The following HPSE2 variants were observed in gnomAD, a reference collection of about 807,000 sequenced individuals.
HPSE2 encodes heparanase 2 (inactive).
Under a neutral mutation model 60.5 loss-of-function variants are expected in HPSE2, and 38 were observed. The observed-to-expected ratio is 0.63, with a 90% CI of 0.48 to 0.82. HPSE2 has a LOEUF of 0.82. Among genes scored for constraint, HPSE2 ranks in the 40% least tolerant of loss-of-function variants. The pLI, the probability that HPSE2 is intolerant of heterozygous loss-of-function variation, is 0.00. For missense variants in HPSE2, 713 were observed against 740.4 expected, an observed-to-expected ratio of 0.96 and a Z score of 0.43; for synonymous variants, 295 against 293.2, an observed-to-expected ratio of 1.01 and a Z score of -0.06.
intron 2 of HPSE2, among the ~76,000 whole-genome samples, chr10:99,203,001 C>T (rs1415746705): frequency 6.6e-6 from 1 of 152,124 alleles, no homozygotes; most frequent in Non-Finnish European, 1.5e-5. Context: ...CAGTAAAGTC[C>T]AGTGCTGGAC....
At chr10:99,112,415 G>GTGTTT (rs72389662) in intron 3 of HPSE2, among the ~76,000 whole-genome samples, 6,959 of 135,922 alleles carry the variant, frequency 0.051, 447 homozygotes, top group African/African-American at 0.15. Flanking sequence ...TTTTTTTGTT[G>GTGTTT]TGTTTTGTTT....
chr10:99,068,220 T>C (rs1842675209), intron 3 of HPSE2, among the ~76,000 whole-genome samples: 1 of 152,228 alleles, frequency 6.6e-6, no homozygotes, highest in African/African-American at 2.4e-5. Context: ...TCTCTGCCTG[T>C]TACCCAGTTC....
intron 3 of HPSE2, among the ~76,000 whole-genome samples, chr10:98,774,546 T>C (rs1950301792): frequency 6.6e-6 from 1 of 151,984 alleles, no homozygotes; most frequent in South Asian, 2.1e-4. Flanking sequence ...TCTCAAGGGG[T>C]TCCTATTCAT....
chr10:99,204,134 C>T (rs763719635), intron 2 of HPSE2, among the ~76,000 whole-genome samples: 12 of 152,192 alleles, frequency 7.9e-5, no homozygotes, highest in Non-Finnish European at 1.6e-4. Flanking sequence ...AGGTCCCCTA[C>T]ATTGGACCCA....
chr10:98,652,221 A>G (rs184524005), intron 6 of HPSE2, among the ~76,000 whole-genome samples: 22 of 152,354 alleles, frequency 1.4e-4, no homozygotes, highest in Admixed American at 1.3e-3. Flanking sequence ...CAATTAAAGT[A>G]GAAGCAAGTA....
At chr10:98,630,195 G>T (rs201547531) in intron 7 of HPSE2, among the ~76,000 whole-genome samples, 32,112 of 124,734 alleles carry the variant, frequency 0.26, 1,919 homozygotes, top group East Asian at 0.35. Context: ...TTTTTTTTTT[G>T]TTTTTTTTTT....
intron 3 of HPSE2, among the ~76,000 whole-genome samples, chr10:98,802,060 C>CAA (rs139788966): frequency 0.12 from 18,958 of 151,952 alleles, 3,039 homozygotes; most frequent in African/African-American, 0.37. Flanking sequence ...TCATTTTTGA[C>CAA]AGTTTCCAAG....
chr10:98,848,730 C>G (rs1180698239), intron 3 of HPSE2, among the ~76,000 whole-genome samples: 1 of 152,196 alleles, frequency 6.6e-6, no homozygotes, highest in African/African-American at 2.4e-5. Flanking sequence ...TTTCATTTAG[C>G]TGCAATGCAT....
At chr10:98,495,430 T>C (rs1252837) in intron 9 of HPSE2, among the ~76,000 whole-genome samples, 13,333 of 152,182 alleles carry the variant, frequency 0.088, 1,859 homozygotes, top group African/African-American at 0.3. Flanking sequence ...TTTATCAAAT[T>C]TGAGACGTTT....
intron 2 of HPSE2, among the ~76,000 whole-genome samples, chr10:99,182,958 C>A (rs2133835977): frequency 6.6e-6 from 1 of 151,696 alleles, no homozygotes; most frequent in Middle Eastern, 3.4e-3. Context: ...ATCACGCCAC[C>A]ACACACACAC....
At chr10:99,234,145 A>C (rs957433266) in intron 1 of HPSE2, among the ~76,000 whole-genome samples, 1 of 152,214 alleles carries the variant, frequency 6.6e-6, no homozygotes, top group African/African-American at 2.4e-5. Flanking sequence ...TTCGAAGAGG[A>C]AGCTGGGCCG....
chr10:99,201,405 G>A (rs964199732), intron 2 of HPSE2, among the ~76,000 whole-genome samples: 1 of 152,088 alleles, frequency 6.6e-6, no homozygotes, highest in Non-Finnish European at 1.5e-5. Flanking sequence ...GTCCTGTGAG[G>A]AGCCATGAGA....
At chr10:99,010,255 T>A (rs1956982248) in intron 3 of HPSE2, among the ~76,000 whole-genome samples, 1 of 152,176 alleles carries the variant, frequency 6.6e-6, no homozygotes, top group South Asian at 2.1e-4. Flanking sequence ...TCTTTGAAAA[T>A]CCTTTAGCAT....
intron 3 of HPSE2, among the ~76,000 whole-genome samples, chr10:99,010,409 A>AT (rs1190268674): frequency 2.6e-5 from 4 of 152,206 alleles, no homozygotes; most frequent in Non-Finnish European, 2.9e-5. Context: ...AGGCTCATGA[A>AT]TTGCAGCCTT....
At chr10:98,883,770 C>A (rs918583322) in intron 3 of HPSE2, among the ~76,000 whole-genome samples, 1 of 152,066 alleles carries the variant, frequency 6.6e-6, no homozygotes, top group Non-Finnish European at 1.5e-5. Context: ...CACCACTGCA[C>A]TCTAGCCTGG....
intron 3 of HPSE2, among the ~76,000 whole-genome samples, chr10:99,099,375 C>T (rs1043028043): frequency 6.6e-6 from 1 of 152,190 alleles, no homozygotes; most frequent in Non-Finnish European, 1.5e-5. Context: ...GGACCCATGC[C>T]CGTGGAGTCT....
At chr10:99,238,619 G>A (rs1589857716), upstream of HPSE2, among the ~76,000 whole-genome samples, 1 of 152,232 alleles carries the variant, frequency 6.6e-6, no homozygotes, top group East Asian at 1.9e-4. Flanking sequence ...TTGATTGTTT[G>A]GTGCTTTGGT....
chr10:98,571,513 C>A (rs1474759492), intron 9 of HPSE2, among the ~76,000 whole-genome samples: 1 of 152,040 alleles, frequency 6.6e-6, no homozygotes, highest in Non-Finnish European at 1.5e-5. Flanking sequence ...ATGTAATTGG[C>A]CAACAAAATT....
At chr10:98,944,352 C>T (rs564023983) in intron 3 of HPSE2, among the ~76,000 whole-genome samples, 44 of 152,086 alleles carry the variant, frequency 2.9e-4, no homozygotes, top group Non-Finnish European at 5.9e-4. Context: ...CTGAACAAGC[C>T]TCTCGGTCAC....
Sources: gnomAD v4.1 joint callset for allele counts (sites outside exome capture counted in the v4.1 genomes callset) on GRCh38, gnomAD v4.1.1 for gene constraint, MANE v1.5 for transcripts, NCBI Gene and HGNC (gene_info 2026-07-23, HGNC 2026-07-21) for gene names.